Variants in SEC22C observed in about 807,000 individuals in gnomAD.
The protein encoded by SEC22C is SEC22 homolog C, vesicle trafficking protein.
In SEC22C, 29 loss-of-function variants were observed where a neutral mutation model predicts 34.7. That is an observed-to-expected ratio of 0.84 (90% CI 0.62 to 1.14). SEC22C has a LOEUF of 1.14. Ranked by LOEUF, SEC22C falls within the 50% of genes most tolerant of loss-of-function variation. The pLI is 0.00. For missense variants in SEC22C, 337 were observed against 369.0 expected, an observed-to-expected ratio of 0.91 and a Z score of 0.71; for synonymous variants, 117 against 132.8, an observed-to-expected ratio of 0.88 and a Z score of 0.82.
chr3:42,577,988 A>T (rs570181060), intron 1 of SEC22C, among the ~76,000 whole-genome samples: 1 of 152,236 alleles, frequency 6.6e-6, no homozygotes, highest in South Asian at 2.1e-4. Flanking sequence ...AAACAAAAAC[A>T]AAACACAGTT....
upstream of SEC22C, among the ~76,000 whole-genome samples, chr3:42,584,591 C>T (rs866062928): frequency 8.6e-5 from 13 of 152,026 alleles, no homozygotes; most frequent in South Asian, 4.1e-4. Flanking sequence ...ATCATATGGG[C>T]GGAAATCGAA....
intron 1 of SEC22C, among the ~76,000 whole-genome samples, chr3:42,598,073 G>A (rs1705082628): frequency 6.6e-6 from 1 of 152,012 alleles, no homozygotes; most frequent in Non-Finnish European, 1.5e-5. Flanking sequence ...TCCATTTCTG[G>A]GCATATATCC....
intron 1 of SEC22C, among the ~76,000 whole-genome samples, chr3:42,588,363 C>T (rs1322536578): frequency 6.6e-6 from 1 of 152,110 alleles, no homozygotes; most frequent in South Asian, 2.1e-4. Context: ...TGAGATTGCA[C>T]CAATGCACTC....
rs150250950 is a variant in SEC22C, at chr3:42,550,657, A to G, written c.*2591T>C. 1,155 of 984,740 alleles carry G rather than the reference A, an allele frequency of 1.2e-3. 3 individuals carry two copies. Among genetic ancestry groups the G allele is most frequent in the Non-Finnish European group, 1.3e-3 (1,058 of 829,708 alleles). 61.0% of individuals were successfully genotyped at this position (984,740 alleles called of 1,614,324 possible). ...TGTAGATGTTAACTGATATCCACAC[A>G]TTCGACCTGGTGTGGATAACATCTC... is the stretch of plus-strand genomic sequence containing the variant. On this transcript the variant is annotated 3_prime_UTR_variant, in exon 7 of 7. Transcript: ENST00000264454.
intron 1 of SEC22C, among the ~76,000 whole-genome samples, chr3:42,574,294 A>T (rs1703819697): frequency 6.7e-6 from 1 of 149,388 alleles, no homozygotes; most frequent in East Asian, 2.0e-4. Flanking sequence ...ATGTGTCTGT[A>T]GTCCCAGCTA....
At chr3:42,589,477 G>C (rs554678571) in intron 1 of SEC22C, among the ~76,000 whole-genome samples, 1 of 152,232 alleles carries the variant, frequency 6.6e-6, no homozygotes, top group South Asian at 2.1e-4. Context: ...GCTCACTCCA[G>C]GGAAAACGAA....
chr3:42,590,757 G>C, intron 1 of SEC22C: 3 of 882,426 alleles, frequency 3.4e-6, no homozygotes, highest in Admixed American at 3.5e-5. Flanking sequence ...GCTGAGTATA[G>C]CTCTTGCGCG....
intron 4 of SEC22C, among the ~76,000 whole-genome samples, chr3:42,560,193 T>C (rs539615708): frequency 6.2e-5 from 9 of 145,560 alleles, no homozygotes; most frequent in Middle Eastern, 7.1e-3. Context: ...ATATATATTA[T>C]ATATATAATA....
upstream of SEC22C, among the ~76,000 whole-genome samples, chr3:42,585,499 A>G (rs1313633488): frequency 6.6e-6 from 1 of 152,130 alleles, no homozygotes; most frequent in East Asian, 1.9e-4. Context: ...AATTCCTTTC[A>G]TGGTTTCTCT....
At chr3:42,557,516 A>C in intron 5 of SEC22C, 62 bp downstream of exon 5, 1 of 710,998 alleles carries the variant, frequency 1.4e-6, no homozygotes, top group Non-Finnish European at 2.4e-6. Context: ...ATGTATCCCT[A>C]TCACTTTCTT....
Position 42,549,444 on chromosome 3 carries a change from CAG to C in SEC22C, c.*3802_*3803del, listed in dbSNP as rs1702142586. The C allele has an allele frequency of 2.0e-6, 2 of 985,554 alleles. No homozygotes were observed. Among genetic ancestry groups the C allele is most frequent in the Admixed American group, 6.1e-5 (1 of 16,278 alleles). The allele number at this position is 985,554 out of a possible 1,614,324, so 61.1% of individuals were successfully genotyped here. A position where few individuals can be genotyped will look rare whatever the true frequency, so the allele number is the denominator to read the frequency against. Reference sequence around the variant, plus strand: ...CCAAGGGGCAGCTGCTATCTTCCAGCAGAGAGAGAACCCCCAGCTCTGCTCCC... The same window carrying C: ...CCAAGGGGCAGCTGCTATCTTCCAGCAGAGAGAACCCCCAGCTCTGCTCCC... On this transcript the variant is annotated 3_prime_UTR_variant, in exon 7 of 7. Coordinates refer to ENST00000264454, the MANE Select transcript of SEC22C (RefSeq NM_032970.4).
chr3:42,590,759 T>C, intron 1 of SEC22C: 3 of 892,012 alleles, frequency 3.4e-6, no homozygotes, highest in Non-Finnish European at 5.6e-6. Context: ...TGAGTATAGC[T>C]CTTGCGCGTC....
chr3:42,572,419 G>A (rs144944470), intron 1 of SEC22C, among the ~76,000 whole-genome samples: 2,900 of 152,240 alleles, frequency 0.019, 43 homozygotes, highest in Non-Finnish European at 0.031. Flanking sequence ...CTACAGTAAT[G>A]AAGTGCCCCA....
intron 2 of SEC22C, 45 bp downstream of exon 2, chr3:42,568,820 T>A (rs750155723): frequency 8.4e-6 from 13 of 1,546,496 alleles, no homozygotes; most frequent in Non-Finnish European, 1.1e-5. Flanking sequence ...TTAAAAGTAA[T>A]CCAAATTTTG....
intron 2 of SEC22C, among the ~76,000 whole-genome samples, chr3:42,567,767 C>T (rs1439218907): frequency 6.6e-6 from 1 of 152,140 alleles, no homozygotes; most frequent in Non-Finnish European, 1.5e-5. Flanking sequence ...CTGCTCCTGT[C>T]ACATAATAAA....
chr3:42,552,135 A>G lies in SEC22C; in HGVS notation c.*1113T>C. 1.0e-6 allele frequency: 1 copy of G among 985,380 alleles called. No homozygotes were observed. Among genetic ancestry groups the G allele is most frequent in the Non-Finnish European group, 1.2e-6 (1 of 829,866 alleles). 61.0% of individuals were successfully genotyped at this position (985,380 alleles called of 1,614,324 possible). Reference sequence around the variant, plus strand: ...AATCAATTTTTTGACAGTGAAAGAGAGTAACTTTCCAGAGTATGTGTTAAT... The same window carrying G: ...AATCAATTTTTTGACAGTGAAAGAGGGTAACTTTCCAGAGTATGTGTTAAT... On this transcript the variant is annotated 3_prime_UTR_variant, in exon 7 of 7. Transcript: ENST00000264454.
At chr3:42,597,914 A>G (rs1705076140) in intron 1 of SEC22C, among the ~76,000 whole-genome samples, 1 of 152,254 alleles carries the variant, frequency 6.6e-6, no homozygotes, top group African/African-American at 2.4e-5. Context: ...GCAATAAAGA[A>G]AACCAAAAAA....
At chr3:42,562,845 A>G (rs1703003463) in intron 3 of SEC22C, among the ~76,000 whole-genome samples, 1 of 152,236 alleles carries the variant, frequency 6.6e-6, no homozygotes, top group Non-Finnish European at 1.5e-5. Flanking sequence ...GAAAAGAAGT[A>G]TCATTTTTCC....
chr3:42,569,098 T>C, intron 1 of SEC22C, 25 bp from the exon 2 acceptor site: 1 of 1,511,300 alleles, frequency 6.6e-7, no homozygotes, highest in East Asian at 2.3e-5. Flanking sequence ...GTCACCTTGT[T>C]ACTGAGGCTC....
Sources: allele counts gnomAD v4.1 joint callset (sites outside exome capture counted in the v4.1 genomes callset), GRCh38; gene constraint gnomAD v4.1.1; transcripts MANE v1.5; gene names NCBI Gene and HGNC (gene_info 2026-07-23, HGNC 2026-07-21).